The following PRR5L variants were observed in gnomAD, a reference collection of about 807,000 sequenced individuals.
The protein encoded by PRR5L is proline-rich protein 5-like.
Under a neutral mutation model 36.4 loss-of-function variants are expected in PRR5L, and 21 were observed. That is an observed-to-expected ratio of 0.58 (90% CI 0.41 to 0.83). PRR5L has a LOEUF of 0.83. PRR5L is among the 40% of genes least tolerant of loss of function. The pLI is 0.00. For missense variants in PRR5L, 381 were observed against 473.3 expected, an observed-to-expected ratio of 0.80 and a Z score of 1.81; for synonymous variants, 188 against 197.0, an observed-to-expected ratio of 0.95 and a Z score of 0.38.
chr11:36,359,863 C>A (rs420244), intron 1 of PRR5L, among the ~76,000 whole-genome samples: 5,214 of 152,174 alleles, frequency 0.034, 309 homozygotes, highest in African/African-American at 0.12. Context: ...AGGGCAAAAC[C>A]CCATCTCTAC....
At chr11:36,353,321 A>G (rs2133495081) in intron 1 of PRR5L, among the ~76,000 whole-genome samples, 1 of 152,314 alleles carries the variant, frequency 6.6e-6, no homozygotes, top group Admixed American at 6.5e-5. Flanking sequence ...TCTTATATTG[A>G]TGAGCTCCAG....
chr11:36,395,037 G>T (rs928286436), intron 1 of PRR5L, among the ~76,000 whole-genome samples: 3 of 152,280 alleles, frequency 2.0e-5, no homozygotes, highest in Admixed American at 2.0e-4. Context: ...AGGCTCTGGT[G>T]GGGGTGGGTA....
chr11:36,385,000 T>C (rs1857432733), intron 1 of PRR5L, among the ~76,000 whole-genome samples: 4 of 152,164 alleles, frequency 2.6e-5, no homozygotes, highest in Admixed American at 2.6e-4. Flanking sequence ...AAAAACCATT[T>C]TATCTTATTT....
chr11:36,376,213 GGGA>G (rs1429663010), intron 1 of PRR5L: 5 of 1,294,950 alleles, frequency 3.9e-6, no homozygotes, highest in Admixed American at 4.6e-5. Flanking sequence ...GTTGCTGAAG[GGGA>G]GGAGGAGTGA....
At chr11:36,335,214 G>A (rs905377101) in intron 1 of PRR5L, among the ~76,000 whole-genome samples, 4 of 151,984 alleles carry the variant, frequency 2.6e-5, no homozygotes, top group East Asian at 1.9e-4. Context: ...ACAGGTGCAC[G>A]CCATTACGCC....
intron 1 of PRR5L, among the ~76,000 whole-genome samples, chr11:36,333,887 A>G (rs1856743241): frequency 6.6e-6 from 1 of 152,202 alleles, no homozygotes; most frequent in South Asian, 2.1e-4. Flanking sequence ...TAAAAAGTGT[A>G]TGTAGATTAT....
intron 4 of PRR5L, among the ~76,000 whole-genome samples, chr11:36,428,201 AG>A (rs1240985765): frequency 2.0e-5 from 3 of 152,164 alleles, no homozygotes; most frequent in Non-Finnish European, 4.4e-5. Flanking sequence ...GGTGAGGTGT[AG>A]GTGCCTGAAA....
At chr11:36,338,610 C>T (rs528534864) in intron 1 of PRR5L, among the ~76,000 whole-genome samples, 1 of 152,324 alleles carries the variant, frequency 6.6e-6, no homozygotes, top group Admixed American at 6.5e-5. Flanking sequence ...ACGGCAGGAT[C>T]CCCTTATGTA....
At chr11:36,332,742 C>G (rs962083645) in intron 1 of PRR5L, among the ~76,000 whole-genome samples, 8 of 152,132 alleles carry the variant, frequency 5.3e-5, no homozygotes, top group East Asian at 1.9e-4. Context: ...GTTTAAAGAG[C>G]CTGGCACCTC....
At chr11:36,424,453 A>C (rs1454361961) in intron 4 of PRR5L, among the ~76,000 whole-genome samples, 3 of 152,178 alleles carry the variant, frequency 2.0e-5, no homozygotes, top group Non-Finnish European at 4.4e-5. Flanking sequence ...GGCTTAGGGC[A>C]TTGATGGGGG....
intron 1 of PRR5L, among the ~76,000 whole-genome samples, chr11:36,334,793 T>G (rs1163393358): frequency 6.6e-6 from 1 of 152,204 alleles, no homozygotes; most frequent in East Asian, 1.9e-4. Flanking sequence ...AACTCAGTAC[T>G]TAGCAAGGCA....
intron 6 of PRR5L, among the ~76,000 whole-genome samples, chr11:36,445,932 A>G (rs1346867284): frequency 6.6e-6 from 1 of 152,198 alleles, no homozygotes; most frequent in African/African-American, 2.4e-5. Flanking sequence ...CAGATATATT[A>G]TAGATGAAGT....
chr11:36,318,265 G>A (rs1162179169), intron 1 of PRR5L, among the ~76,000 whole-genome samples: 1 of 152,188 alleles, frequency 6.6e-6, no homozygotes, highest in African/African-American at 2.4e-5. Flanking sequence ...TTCTCAGGAT[G>A]TGTCTCCATT....
chr11:36,309,451 A>T (rs1856471658), intron 1 of PRR5L, among the ~76,000 whole-genome samples: 1 of 152,236 alleles, frequency 6.6e-6, no homozygotes, highest in African/African-American at 2.4e-5. Flanking sequence ...CCTGCAAGTT[A>T]ATGGTAGTTT....
intron 8 of PRR5L, among the ~76,000 whole-genome samples, chr11:36,461,157 T>C (rs919167154): frequency 5.3e-5 from 8 of 152,214 alleles, no homozygotes; most frequent in African/African-American, 1.7e-4. Flanking sequence ...CAGCTTAAAC[T>C]ACCTTCTATC....
chr11:36,399,353 T>G (rs929341289), intron 1 of PRR5L, among the ~76,000 whole-genome samples: 2 of 152,222 alleles, frequency 1.3e-5, no homozygotes, highest in African/African-American at 2.4e-5. Context: ...CCTCTTCGTA[T>G]TACAAGTTCC....
chr11:36,356,756 A>T lies in PRR5L; in HGVS notation c.-125-44241A>T, dbSNP rs144528265. ...GGCACACTTAATCCATAACTGTTAT[A>T]TGCATTCTGATTGCTCCATTAAGTG... On this transcript the variant is annotated intron_variant, in intron 1 of 8. Transcript: ENST00000530639. 1.6e-3 allele frequency among the ~76,000 whole-genome samples: 245 copies of T among 152,324 alleles called. 1 individual carries two copies. Among genetic ancestry groups the T allele is most frequent in the Non-Finnish European group, 2.7e-3 (186 of 68,028 alleles).
intron 1 of PRR5L, chr11:36,394,580 A>T (rs1318242483): frequency 1.3e-5 from 2 of 152,166 alleles, no homozygotes; most frequent in Non-Finnish European, 2.9e-5. Context: ...CTAGGGGGGA[A>T]TCTGCTTCTT....
At chr11:36,367,740 TTCTCTCTCTCTCTCTCTC>T (rs55635913) in intron 1 of PRR5L, among the ~76,000 whole-genome samples, 2 of 150,356 alleles carry the variant, frequency 1.3e-5, no homozygotes, top group Non-Finnish European at 3.0e-5. Context: ...ACCAGAGAAC[TTCTCTCTCTCTCTCTCTC>T]TCTCTCTCTC....
Sources: allele counts gnomAD v4.1 joint callset (sites outside exome capture counted in the v4.1 genomes callset), GRCh38; gene constraint gnomAD v4.1.1; transcripts MANE v1.5; gene names NCBI Gene and HGNC (gene_info 2026-07-23, HGNC 2026-07-21).